Variants in UBE3A observed in about 807,000 individuals in gnomAD.
UBE3A encodes the protein ubiquitin-protein ligase E3A.
UBE3A carries 6 observed loss-of-function variants against 83.4 expected under a neutral mutation model. The observed-to-expected ratio is 0.07, with a 90% CI of 0.04 to 0.14. The LOEUF (loss-of-function observed/expected upper bound fraction) is 0.14. UBE3A is among the 10% of genes least tolerant of loss of function. UBE3A has a pLI of 1.00. For missense variants in UBE3A, 456 were observed against 1,036.1 expected (o/e 0.44, Z 7.69); for synonymous variants, 337 against 355.4 (o/e 0.95, Z 0.58).
intron 1 of UBE3A, chr15:25,422,003 C>T (rs530888857): frequency 1.2e-4 from 19 of 152,220 alleles, no homozygotes; most frequent in Middle Eastern, 3.4e-3. Context: ...AACATGCACA[C>T]AAAACAGTAC....
intron 4 of UBE3A, among the ~76,000 whole-genome samples, chr15:25,376,692 A>G (rs1268884128): frequency 7.3e-6 from 1 of 136,112 alleles, no homozygotes; most frequent in Non-Finnish European, 1.6e-5. Context: ...AAGAGGCTCC[A>G]AAGTGTAGAA....
Position 25,334,176 on chromosome 15 carries a change from A to C in UBE3A, c.*4961T>G, listed in dbSNP as rs576722469. The C allele has an allele frequency of 1.6e-4, 25 of 152,286 alleles. No homozygotes were observed. The highest frequency in any genetic ancestry group is 6.0e-4 in the African/African-American group (25 of 41,568). The allele number at this position is 152,286 out of a possible 1,614,324, so 9.4% of individuals were successfully genotyped here. A position where few individuals can be genotyped will look rare whatever the true frequency, so the allele number is the denominator to read the frequency against. Reference sequence around the variant, plus strand: ...AAGTATTTCTGTTCACAGATGCATGATCTCATATGCAAAAAATACTAAGTG... The same window carrying C: ...AAGTATTTCTGTTCACAGATGCATGCTCTCATATGCAAAAAATACTAAGTG... On this transcript the variant is annotated 3_prime_UTR_variant, in exon 13 of 13. Transcript: ENST00000648336.
chr15:25,412,550 A>G (rs939534991), intron 1 of UBE3A, among the ~76,000 whole-genome samples: 1 of 152,162 alleles, frequency 6.6e-6, no homozygotes, highest in African/African-American at 2.4e-5. Flanking sequence ...TCAACCACTT[A>G]ATATATATCA....
intron 6 of UBE3A, among the ~76,000 whole-genome samples, chr15:25,366,217 C>A (rs1237053394): frequency 6.6e-6 from 1 of 152,068 alleles, no homozygotes; most frequent in Admixed American, 6.6e-5. Flanking sequence ...CAAGAAAGAA[C>A]AATGGAAATT....
Position 25,339,115 on chromosome 15 carries a change from T to TTTTATTTTGTTTTG in UBE3A, c.*8_*21dup. 6.8e-7 allele frequency: 1 copy of TTTTATTTTGTTTTG among 1,479,314 alleles called. No homozygotes were observed. The highest frequency in any genetic ancestry group is 9.0e-7 in the Non-Finnish European group (1 of 1,107,330). 91.6% of individuals were successfully genotyped at this position (1,479,314 alleles called of 1,614,324 possible). ...CTTTTTTTTTCCTTCCTTTTTTTTGTTTTATTTTGTTTTGTTTTGTTTTAC... is the reference window on the plus strand; with the variant it reads ...CTTTTTTTTTCCTTCCTTTTTTTTGTTTTATTTTGTTTTGTTTATTTTGTTTTGTTTTGTTTTAC... On this transcript the variant is annotated 3_prime_UTR_variant, in exon 13 of 13. Transcript: ENST00000648336.
rs1893172337 is a variant in UBE3A at position 25,430,592 on chromosome 15, T to C, written c.-165+7897A>G. ...TGACCCCTAGTTCTGCCTATCACTA[T>C]TTAAAATTACTTTAAGTGTTGAGGA... On this transcript the variant is annotated intron_variant, in intron 1 of 12. Transcript: ENST00000648336. Among the ~76,000 whole-genome samples, 4 of 151,948 alleles carry C rather than the reference T, an allele frequency of 2.6e-5. No homozygotes were observed. In the South Asian group the frequency reaches 6.2e-4, roughly 24 times the overall value.
chr15:25,360,650 G>T, intron 6 of UBE3A, 123 bp from the exon 7 acceptor site: 1 of 1,067,330 alleles, frequency 9.4e-7, no homozygotes, highest in Non-Finnish European at 1.4e-6. Flanking sequence ...TATGTAAATG[G>T]AAACAGAAAG....
intron 11 of UBE3A, among the ~76,000 whole-genome samples, chr15:25,344,881 T>C (rs1360400808): frequency 1.3e-5 from 2 of 152,132 alleles, no homozygotes; most frequent in African/African-American, 4.8e-5. Context: ...GTAATGATAC[T>C]GATAAATACG....
At position 25,402,215 on chromosome 15, in the gene UBE3A, T is replaced by A. The variant is rs551899742; in HGVS notation, c.62+3246A>T. Among the ~76,000 whole-genome samples, 4 of 152,362 alleles carry A rather than the reference T, an allele frequency of 2.6e-5. No individual in the cohort carries two copies. The East Asian group carries it at 7.7e-4, about 29-fold the overall frequency. ...GGGTAAAGCCCTTCACCAGTCAGCC[T>A]GTCCAGAGATTATGCAGCCTGAGTC... On this transcript the variant is annotated intron_variant, in intron 4 of 12. Coordinates refer to ENST00000648336, the MANE Select transcript of UBE3A (RefSeq NM_130839.5).
intron 3 of UBE3A, 135 bp from the exon 4 acceptor site, chr15:25,405,637 C>G (rs1039196802): frequency 2.1e-6 from 2 of 934,798 alleles, no homozygotes; most frequent in Admixed American, 4.2e-5. Context: ...TTAAAGATGT[C>G]AACATGAAAG....
At chr15:25,406,917 T>C (rs573944113) in intron 3 of UBE3A, 1 of 234,146 alleles carries the variant, frequency 4.3e-6, no homozygotes, top group South Asian at 5.2e-5. Context: ...TTCTTTGCAA[T>C]GTATTTAAAT....
intron 11 of UBE3A, among the ~76,000 whole-genome samples, chr15:25,343,747 G>C (rs567479964): frequency 2.0e-5 from 3 of 152,164 alleles, no homozygotes; most frequent in Admixed American, 6.5e-5. Context: ...CAGCGTTAAA[G>C]GACTAATCTC....
chr15:25,358,475 GA>G (rs1278642913), intron 7 of UBE3A, among the ~76,000 whole-genome samples: 6 of 151,808 alleles, frequency 4.0e-5, no homozygotes, highest in Non-Finnish European at 7.4e-5. Flanking sequence ...AATGACTAAG[GA>G]AAAAAATTTT....
At chr15:25,405,266 T>G (rs770330024) in intron 4 of UBE3A, among the ~76,000 whole-genome samples, 195 bp downstream of exon 4, 1 of 152,172 alleles carries the variant, frequency 6.6e-6, no homozygotes, top group Non-Finnish European at 1.5e-5. Context: ...TATCTAGTAG[T>G]AGAAACCTAG....
chr15:25,350,996 T>C (rs1422935709), intron 11 of UBE3A, among the ~76,000 whole-genome samples: 2 of 152,190 alleles, frequency 1.3e-5, no homozygotes, highest in Non-Finnish European at 2.9e-5. Context: ...GTTACATAAA[T>C]GTAATTTTTA....
At chr15:25,430,964 A>G (rs971844861) in intron 1 of UBE3A, among the ~76,000 whole-genome samples, 6 of 152,192 alleles carry the variant, frequency 3.9e-5, no homozygotes, top group African/African-American at 1.4e-4. Context: ...CATTTTTACA[A>G]TATTTGAAAT....
At chr15:25,364,071 T>TAAATAAATAAATAAAA (rs1428292360) in intron 6 of UBE3A, among the ~76,000 whole-genome samples, 25 of 150,620 alleles carry the variant, frequency 1.7e-4, no homozygotes, top group Middle Eastern at 3.5e-3. Context: ...AATAAATAAA[T>TAAATAAATAAATAAAA]AAAAAATAGT....
chr15:25,410,134 A>T (rs1160007123), intron 2 of UBE3A, among the ~76,000 whole-genome samples: 1 of 138,010 alleles, frequency 7.2e-6, no homozygotes, highest in Non-Finnish European at 1.5e-5. Flanking sequence ...CCTAAAACTT[A>T]AAGTATAATA....
chr15:25,355,661 A>G (rs555388262), intron 9 of UBE3A, among the ~76,000 whole-genome samples: 4 of 152,136 alleles, frequency 2.6e-5, no homozygotes, highest in Admixed American at 6.6e-5. Flanking sequence ...GCTATTAACT[A>G]TCTCCTGCTT....
Sources: gnomAD v4.1 joint callset for allele counts (sites outside exome capture counted in the v4.1 genomes callset) on GRCh38, gnomAD v4.1.1 for gene constraint, MANE v1.5 for transcripts, NCBI Gene and HGNC (gene_info 2026-07-23, HGNC 2026-07-21) for gene names.